The following KIF1B variants were observed in gnomAD, a reference collection of about 807,000 sequenced individuals.
KIF1B encodes kinesin-like protein KIF1B.
In KIF1B, 76 loss-of-function variants were observed where a neutral mutation model predicts 241.9. The observed-to-expected ratio is 0.31, with a 90% CI of 0.26 to 0.38. KIF1B has a LOEUF of 0.38. Among genes scored for constraint, KIF1B ranks in the 10% least tolerant of loss-of-function variants. KIF1B has a pLI of 1.00. For synonymous variants in KIF1B, 750 were observed against 796.7 expected, an observed-to-expected ratio of 0.94 and a Z score of 0.99; for missense variants, 1,622 against 2,271.4, an observed-to-expected ratio of 0.71 and a Z score of 5.81.
intron 22 of KIF1B, among the ~76,000 whole-genome samples, chr1:10,302,656 C>A (rs1650600691): frequency 6.6e-6 from 1 of 152,184 alleles, no homozygotes; most frequent in African/African-American, 2.4e-5. Context: ...CTTTGTATGG[C>A]ATCTGTGCTC....
At chr1:10,244,912 G>T (rs1273658629) in intron 2 of KIF1B, among the ~76,000 whole-genome samples, 1 of 152,068 alleles carries the variant, frequency 6.6e-6, no homozygotes, top group Non-Finnish European at 1.5e-5. Context: ...GCGCCCGGCC[G>T]CCATTTTTCT....
At chr1:10,306,780 AAAAAG>A (rs1650852842) in intron 22 of KIF1B, 4 of 1,007,464 alleles carry the variant, frequency 4.0e-6, no homozygotes, top group Non-Finnish European at 4.8e-6. Context: ...AAAAAAAAAA[AAAAAG>A]GTAATATTTA....
chr1:10,301,993 A>T (rs1303798671), intron 22 of KIF1B, among the ~76,000 whole-genome samples: 2 of 152,218 alleles, frequency 1.3e-5, no homozygotes, highest in African/African-American at 4.8e-5. Flanking sequence ...AGAGTTAAAC[A>T]TACCTTTTAA....
In KIF1B at chr1:10,276,438, T is replaced by G. The variant is rs17034644; in HGVS notation, c.1037+39T>G. 2,143 of 1,454,490 alleles carry G rather than the reference T, an allele frequency of 1.5e-3. 18 individuals carry two copies. In the African/African-American group the frequency reaches 0.022, roughly 15 times the overall value. 90.1% of individuals were successfully genotyped at this position (1,454,490 alleles called of 1,614,324 possible). Reference sequence around the variant, plus strand: ...ATCTCAGTAACAACATAGACCACATTGCCATCAGAAGCCATTTTGTGATAC... The same window carrying G: ...ATCTCAGTAACAACATAGACCACATGGCCATCAGAAGCCATTTTGTGATAC... On this transcript the variant is annotated intron_variant, in intron 12 of 48. Transcript: ENST00000676179.
chr1:10,296,990 C>G lies in KIF1B; in HGVS notation c.1955C>G (p.Thr652Ser). ...AEREKTPSAE[T>S]PSEPVDWTFA... ...CGAGAGAAGACTCCTTCTGCTGAGA[C>G]CCCCTCTGAGCCTGTGGACTGGACA... The change falls in exon 21 of 49, where the codon ACC becomes AGC. Residue 652 changes from threonine to serine, a missense_variant. This residue lies in a region of KIF1B where 803 missense variants were observed against 1,112.0 expected (regional missense o/e 0.72). Coordinates refer to ENST00000676179, the MANE Select transcript of KIF1B (RefSeq NM_001365951.3). The G allele has an allele frequency of 1.2e-6, 2 of 1,614,008 alleles. No individual in the cohort carries two copies. The highest frequency in any genetic ancestry group is 1.7e-6 in the Non-Finnish European group (2 of 1,179,896).
Position 10,378,920 on chromosome 1 carries a change from C to T in KIF1B, c.*2333C>T, listed in dbSNP as rs985216549. 8.5e-6 allele frequency: 2 copies of T among 234,688 alleles called. No individual in the cohort carries two copies. Among genetic ancestry groups the T allele is most frequent in the Non-Finnish European group, 1.7e-5 (2 of 119,000 alleles). 14.5% of individuals were successfully genotyped at this position (234,688 alleles called of 1,614,324 possible). A position where few individuals can be genotyped will look rare whatever the true frequency, so the allele number is the denominator to read the frequency against. On this transcript the variant is annotated 3_prime_UTR_variant, in exon 49 of 49. Transcript: ENST00000676179. The stretch of plus-strand genomic sequence containing the variant: ...TTCCTGTTAAAACATAGGTCACTAA[C>T]TGTGATGTTATTTGTTTTCTAAGTG...
intron 33 of KIF1B, among the ~76,000 whole-genome samples, chr1:10,342,897 A>C (rs1256134143): frequency 6.6e-6 from 1 of 152,270 alleles, no homozygotes; most frequent in East Asian, 1.9e-4. Context: ...AAGAGGAATA[A>C]TAATTACGTT....
rs752327133 is a variant in KIF1B at position 10,277,948 on chromosome 1, T to G, written c.1038-38T>G. The G allele has an allele frequency of 2.5e-6, 4 of 1,591,890 alleles. No individual in the cohort carries two copies. In the Admixed American group the frequency reaches 6.7e-5, roughly 27 times the overall value. On this transcript the variant is annotated intron_variant, in intron 12 of 48. Coordinates refer to ENST00000676179, the MANE Select transcript of KIF1B (RefSeq NM_001365951.3). The stretch of plus-strand genomic sequence containing the variant: ...TGTTACTTATGAGAAGTAGAACATA[T>G]GAGAAATGACAAGAACAAATTTTCT...
intron 2 of KIF1B, among the ~76,000 whole-genome samples, chr1:10,253,084 G>A (rs1647559501): frequency 6.6e-6 from 1 of 152,122 alleles, no homozygotes; most frequent in Non-Finnish European, 1.5e-5. Flanking sequence ...CCACATACAT[G>A]TAGGTGTGCA....
chr1:10,280,844 C>CT (rs1225134380), intron 14 of KIF1B, among the ~76,000 whole-genome samples: 1 of 152,168 alleles, frequency 6.6e-6, no homozygotes, highest in Non-Finnish European at 1.5e-5. Flanking sequence ...CCATGCATGA[C>CT]TAAGTTTTAA....
In KIF1B at chr1:10,303,245, A is replaced by G. The variant is rs1354410386; in HGVS notation, c.2115+5999A>G. On this transcript the variant is annotated intron_variant, in intron 22 of 48. Transcript: ENST00000676179. The surrounding 1 kb of genome is among the most constrained non-coding windows in gnomAD (Gnocchi z 5.2). The stretch of plus-strand genomic sequence containing the variant: ...AAACTGATTACTTCTCTGAGAGAAA[A>G]GCTACCTCCCAGCAAGTTGCAAACC... 1 of 1,614,000 alleles carries G rather than the reference A, an allele frequency of 6.2e-7. No homozygotes were observed. Among genetic ancestry groups the G allele is most frequent in the Non-Finnish European group, 8.5e-7 (1 of 1,180,006 alleles).
Position 10,374,259 on chromosome 1 carries a change from C to G in KIF1B, c.4947-57C>G. On this transcript the variant is annotated intron_variant, in intron 45 of 48. Coordinates refer to ENST00000676179, the MANE Select transcript of KIF1B (RefSeq NM_001365951.3). This position sits in a 1 kb window ranked among gnomAD's most constrained non-coding sequence, Gnocchi z 4.3. ...CCCAGTGAAACAGTACTCAGTATGC[C>G]TTGATTGTAACTGATTCTCTTGTTA... 1.3e-6 allele frequency: 2 copies of G among 1,569,280 alleles called. No individual in the cohort carries two copies. Among genetic ancestry groups the G allele is most frequent in the Non-Finnish European group, 1.8e-6 (2 of 1,139,434 alleles).
intron 22 of KIF1B, among the ~76,000 whole-genome samples, chr1:10,311,188 T>C (rs1192852362): frequency 6.6e-6 from 1 of 151,196 alleles, no homozygotes; most frequent in Non-Finnish European, 1.5e-5. Flanking sequence ...TCTGTACTTA[T>C]TACGTCCTAC....
rs949984143 is a variant in KIF1B at position 10,303,134 on chromosome 1, G to A, written c.2115+5888G>A. ...TACATTTTAATTTTGGTTATTTTGG[G>A]GCCATTTTTTGATTTTGTTTTTCCA... is the stretch of plus-strand genomic sequence containing the variant. On this transcript the variant is annotated intron_variant, in intron 22 of 48. Coordinates refer to ENST00000676179, the MANE Select transcript of KIF1B (RefSeq NM_001365951.3). The surrounding 1 kb of genome is among the most constrained non-coding windows in gnomAD (Gnocchi z 5.2). 3.1e-6 allele frequency: 5 copies of A among 1,590,746 alleles called. No homozygotes were observed. The highest frequency in any genetic ancestry group is 4.3e-6 in the Non-Finnish European group (5 of 1,170,470).
chr1:10,232,165 A>T (rs1248282931), intron 1 of KIF1B, 85 bp from the exon 2 acceptor site: 1 of 614,440 alleles, frequency 1.6e-6, no homozygotes, highest in East Asian at 2.8e-5. Context: ...CAGAAATAGA[A>T]CTAAGATAGT....
chr1:10,295,691 G>C lies in KIF1B; in HGVS notation c.1702G>C (p.Asp568His). 6.2e-7 allele frequency: 1 copy of C among 1,613,762 alleles called. No homozygotes were observed. The highest frequency in any genetic ancestry group is 8.5e-7 in the Non-Finnish European group (1 of 1,179,926). ...VGQADAERRQ[D>H]IVLSGAHIKE... is the part of the protein sequence containing the mutation. ...CCAAGCAGATGCTGAGCGGCGCCAG[G>C]ACATAGTGCTGAGCGGGGCTCACAT... is the stretch of plus-strand genomic sequence containing the variant. Residue 568 changes from aspartate to histidine, a missense_variant, in exon 19 of 49, where the codon GAC becomes CAC. Around this residue, in one of 7 missense-constraint regions of KIF1B, gnomAD observed 57 missense variants for 149.0 expected, o/e 0.38. Transcript: ENST00000676179.
Position 10,256,263 on chromosome 1 carries a change from G to A in KIF1B, c.123G>A (p.Lys41=). ...ATCTTCTAGGTATTATTAACCCAAA[G>A]AATCCAAAGGAAGCTCCAAAGTCCT... ...QGNSTSIINP[K]NPKEAPKSFS... The change falls in exon 3 of 49, where the codon AAG becomes AAA. Residue 41 remains lysine (K), a synonymous_variant. Transcript: ENST00000676179. The A allele has an allele frequency of 6.2e-7, 1 of 1,609,334 alleles. No individual in the cohort carries two copies. Among genetic ancestry groups the A allele is most frequent in the Non-Finnish European group, 8.5e-7 (1 of 1,175,690 alleles).
chr1:10,248,344 C>T (rs1215492651), intron 2 of KIF1B, among the ~76,000 whole-genome samples: 4 of 151,822 alleles, frequency 2.6e-5, no homozygotes, highest in Non-Finnish European at 2.9e-5. Context: ...GGACTACAGG[C>T]GCACGCTACC....
In KIF1B at chr1:10,276,418, A is replaced by G; in HGVS notation, c.1037+19A>G. 1 of 1,580,848 alleles carries G rather than the reference A, an allele frequency of 6.3e-7. No homozygotes were observed. The highest frequency in any genetic ancestry group is 8.7e-7 in the Non-Finnish European group (1 of 1,150,528). On this transcript the variant is annotated intron_variant, in intron 12 of 48. Transcript: ENST00000676179. ...CTCTGAGGTACTTTCTTTTGATCTC[A>G]GTAACAACATAGACCACATTGCCAT... is the stretch of plus-strand genomic sequence containing the variant.
Sources: gnomAD v4.1 joint callset for allele counts (sites outside exome capture counted in the v4.1 genomes callset) on GRCh38, gnomAD v4.1.1 for gene constraint, gnomAD v4.1.1 regional missense constraint, Gnocchi (gnomAD v3.1) non-coding constraint, MANE v1.5 for transcripts, NCBI Gene and HGNC (gene_info 2026-07-23, HGNC 2026-07-21) for gene names.